The following PDE3A variants were observed in gnomAD, a reference collection of about 807,000 sequenced individuals.
PDE3A encodes the protein phosphodiesterase 3A.
In PDE3A, 43 loss-of-function variants were observed where a neutral mutation model predicts 98.3. The ratio of observed to expected loss-of-function variants is 0.44; its 90% CI spans 0.34 to 0.56. The LOEUF (loss-of-function observed/expected upper bound fraction) is 0.56. PDE3A is among the 20% of genes least tolerant of loss of function. The probability of loss-of-function intolerance (pLI) is 0.01; values close to 1 mark genes in which losing one functional copy is unlikely to be tolerated. For synonymous variants in PDE3A, 663 were observed against 567.9 expected, an observed-to-expected ratio of 1.17 and a Z score of -2.38; for missense variants, 1,427 against 1,440.7, an observed-to-expected ratio of 0.99 and a Z score of 0.15.
In PDE3A at chr12:20,370,115, T is replaced by TGG. The variant is rs1943438147; in HGVS notation, c.833_834dup (p.Thr279GlyfsTer97). 1 of 1,613,240 alleles carries TGG rather than the reference T, an allele frequency of 6.2e-7. No homozygotes were observed. The highest frequency in any genetic ancestry group is 1.1e-5 in the South Asian group (1 of 91,070). On this transcript the variant is annotated frameshift_variant, in exon 1 of 16. Coordinates refer to ENST00000359062, the MANE Select transcript of PDE3A (RefSeq NM_000921.5). LOFTEE classifies it high-confidence loss of function. ...AGCATTTGGGGTCCCAGCTGATTGCTGGGACCAAGGAAGATATCCCGGTGT... is the reference window on the plus strand; with the variant it reads ...AGCATTTGGGGTCCCAGCTGATTGCTGGGGGACCAAGGAAGATATCCCGGTGT...
chr12:20,530,254 A>G, intron 1 of PDE3A, among the ~76,000 whole-genome samples: 1 of 152,172 alleles, frequency 6.6e-6, no homozygotes, highest in Non-Finnish European at 1.5e-5. Context: ...ATAGCTGATA[A>G]CACTCAAATT....
chr12:20,470,343 T>G (rs1021640595), intron 1 of PDE3A, among the ~76,000 whole-genome samples: 8 of 152,118 alleles, frequency 5.3e-5, no homozygotes, highest in Non-Finnish European at 1.0e-4. Context: ...AGAGGGACTC[T>G]GAGGCTCTGA....
chr12:20,390,155 G>T (rs1381566237), intron 1 of PDE3A, among the ~76,000 whole-genome samples: 1 of 151,930 alleles, frequency 6.6e-6, no homozygotes, highest in Non-Finnish European at 1.5e-5. Context: ...GTAGAGGTGG[G>T]ATGCTGGGAA....
rs58496505 is a variant in PDE3A at position 20,687,914 on chromosome 12, G to GAAAAAAAAAAAAAAAAAAAAAAA, written c.*7644_*7666dup. Among the ~76,000 whole-genome samples, 2 of 94,310 alleles carry GAAAAAAAAAAAAAAAAAAAAAAA rather than the reference G, an allele frequency of 2.1e-5. No individual in the cohort carries two copies. Among genetic ancestry groups the GAAAAAAAAAAAAAAAAAAAAAAA allele is most frequent in the African/African-American group, 8.5e-5 (2 of 23,400 alleles). 61.9% of individuals were successfully genotyped at this position (94,310 alleles called of 152,430 possible). On this transcript the variant is annotated 3_prime_UTR_variant, in exon 16 of 16. Transcript: ENST00000359062. ...GACCAGTCATTACCTCTTCCCAACA[G>GAAAAAAAAAAAAAAAAAAAAAAA]AAAAAAAAAAAAAAAAAAAAAAACT... is the stretch of plus-strand genomic sequence containing the variant.
intron 15 of PDE3A, among the ~76,000 whole-genome samples, chr12:20,672,221 T>G (rs1276492018): frequency 6.8e-6 from 1 of 148,028 alleles, no homozygotes; most frequent in African/African-American, 2.5e-5. Context: ...TGGAAGAACA[T>G]TCCATGCTCA....
chr12:20,552,855 C>T lies in PDE3A; in HGVS notation c.961-3805C>T. ...CCATCACGACCGTGTGCCAGCACAA[C>T]GTGTGCAAGGACTGCCTGGACAGAT... On this transcript the variant is annotated intron_variant, in intron 1 of 15. Coordinates refer to ENST00000359062, the MANE Select transcript of PDE3A (RefSeq NM_000921.5). The surrounding 1 kb of genome is among the most constrained non-coding windows in gnomAD (Gnocchi z 5.1). The T allele has an allele frequency of 6.2e-7, 1 of 1,613,898 alleles. No homozygotes were observed. Among genetic ancestry groups the T allele is most frequent in the Non-Finnish European group, 8.5e-7 (1 of 1,179,834 alleles).
intron 1 of PDE3A, among the ~76,000 whole-genome samples, chr12:20,423,707 G>A (rs762406506): frequency 6.6e-5 from 10 of 152,094 alleles, no homozygotes; most frequent in Non-Finnish European, 1.0e-4. Flanking sequence ...CGGTATTACC[G>A]TGCCTCCTCT....
chr12:20,679,879 T>C (rs1411859604), intron 15 of PDE3A, 151 bp from the exon 16 acceptor site: 1 of 112,746 alleles, frequency 8.9e-6, no homozygotes, highest in Non-Finnish European at 1.6e-5. Context: ...ATAATATATA[T>C]ATTATATATA....
At chr12:20,496,041 C>G (rs1366363092) in intron 1 of PDE3A, among the ~76,000 whole-genome samples, 1 of 152,176 alleles carries the variant, frequency 6.6e-6, no homozygotes. Flanking sequence ...ATTTCCCCCT[C>G]TTTCGTACTC....
chr12:20,461,857 A>T (rs1169093815), intron 1 of PDE3A, among the ~76,000 whole-genome samples: 1 of 152,194 alleles, frequency 6.6e-6, no homozygotes. Context: ...TTTCCCCAGA[A>T]TGGCTTATTA....
intron 5 of PDE3A, among the ~76,000 whole-genome samples, chr12:20,628,866 C>A (rs896554855): frequency 6.6e-6 from 1 of 152,172 alleles, no homozygotes. Flanking sequence ...ACAACTCAAA[C>A]TTTTGAGGAA....
intron 1 of PDE3A, chr12:20,371,274 T>TA (rs1943469574): frequency 5.2e-6 from 4 of 773,890 alleles, no homozygotes; most frequent in Non-Finnish European, 6.3e-6. Context: ...ATACGGTGTC[T>TA]AAAAAAGCAT....
chr12:20,525,302 T>C (rs1946496756), intron 1 of PDE3A, among the ~76,000 whole-genome samples: 1 of 152,220 alleles, frequency 6.6e-6, no homozygotes. Context: ...TGTGTAGTCA[T>C]CATCGTTTAC....
chr12:20,369,970 TAGAG>T lies in PDE3A; in HGVS notation c.689_692del (p.Glu230GlyfsTer45), dbSNP rs769128121. 1.2e-6 allele frequency: 2 copies of T among 1,613,256 alleles called. No individual in the cohort carries two copies. The highest frequency in any genetic ancestry group is 8.5e-7 in the Non-Finnish European group (1 of 1,179,960). ...GTCAGGACCGTGTCCCTCATTTCCT[TAGAG>T]AGGTTCAAGGTCGCCTGGAGACCTT... is the stretch of plus-strand genomic sequence containing the variant. On this transcript the variant is annotated frameshift_variant, in exon 1 of 16. Transcript: ENST00000359062. LOFTEE classifies it high-confidence loss of function.
chr12:20,575,244 C>T lies in PDE3A; in HGVS notation c.1011+18534C>T, dbSNP rs949315066. Among the ~76,000 whole-genome samples the T allele has an allele frequency of 3.3e-5, 5 of 151,336 alleles. No homozygotes were observed. In the East Asian group the frequency reaches 5.8e-4, roughly 18 times the overall value. ...ACTAAAATTGGATTTACTTTTTAATCGACATTCTTATTAGTTAGCATCAAA... is the reference window on the plus strand; with the variant it reads ...ACTAAAATTGGATTTACTTTTTAATTGACATTCTTATTAGTTAGCATCAAA... On this transcript the variant is annotated intron_variant, in intron 2 of 15. Coordinates refer to ENST00000359062, the MANE Select transcript of PDE3A (RefSeq NM_000921.5).
chr12:20,483,004 CCT>C (rs1173035139), intron 1 of PDE3A, among the ~76,000 whole-genome samples: 1 of 152,016 alleles, frequency 6.6e-6, no homozygotes, highest in Non-Finnish European at 1.5e-5. Flanking sequence ...AGTTGTATTT[CCT>C]CTCTTTATAG....
chr12:20,439,353 A>G lies in PDE3A; in HGVS notation c.960+69109A>G, dbSNP rs542671498. 1.3e-4 allele frequency among the ~76,000 whole-genome samples: 20 copies of G among 152,306 alleles called. No homozygotes were observed. In the South Asian group the frequency reaches 3.7e-3, roughly 28 times the overall value. Reference sequence around the variant, plus strand: ...CATTCAGTATGAATTTTGTCTGTTTATATCCACATATCATGTAGTCAACAT... The same window carrying G: ...CATTCAGTATGAATTTTGTCTGTTTGTATCCACATATCATGTAGTCAACAT... On this transcript the variant is annotated intron_variant, in intron 1 of 15. Transcript: ENST00000359062.
intron 1 of PDE3A, chr12:20,551,944 T>G: frequency 6.2e-7 from 1 of 1,612,748 alleles, no homozygotes; most frequent in Non-Finnish European, 8.5e-7. Context: ...GGTCAGCGAG[T>G]CGGGTGTCCA....
chr12:20,638,551 A>G (rs1944572384), intron 9 of PDE3A, among the ~76,000 whole-genome samples: 1 of 152,092 alleles, frequency 6.6e-6, no homozygotes, highest in Admixed American at 6.6e-5. Context: ...GGACAGATTT[A>G]AGGGTAGCTG....
Sources: gnomAD v4.1 joint callset for allele counts (sites outside exome capture counted in the v4.1 genomes callset) on GRCh38, gnomAD v4.1.1 for gene constraint, Gnocchi (gnomAD v3.1) non-coding constraint, MANE v1.5 for transcripts, NCBI Gene and HGNC (gene_info 2026-07-23, HGNC 2026-07-21) for gene names.